RUFY3: variants seen among roughly 807,000 people sequenced by gnomAD.
The protein encoded by RUFY3 is protein RUFY3.
In RUFY3, 34 loss-of-function variants were observed where a neutral mutation model predicts 84.0. The observed-to-expected ratio is 0.40, with a 90% CI of 0.31 to 0.54. The LOEUF is 0.54. Among genes scored for constraint, RUFY3 ranks in the 20% least tolerant of loss-of-function variants. RUFY3 has a pLI of 0.39. For missense variants in RUFY3, 507 were observed against 736.8 expected, an observed-to-expected ratio of 0.69 and a Z score of 3.61; for synonymous variants, 242 against 252.9, an observed-to-expected ratio of 0.96 and a Z score of 0.41.
At chr4:70,746,666 A>G (rs1365099356) in intron 1 of RUFY3, among the ~76,000 whole-genome samples, 2 of 152,328 alleles carry the variant, frequency 1.3e-5, no homozygotes, top group East Asian at 3.9e-4. Flanking sequence ...AAGGAAAGTG[A>G]CACATACAGA....
chr4:70,705,363 C>G, intron 1 of RUFY3: 1 of 1,158,148 alleles, frequency 8.6e-7, no homozygotes, highest in Non-Finnish European at 1.1e-6. Context: ...GCCGGCCCGG[C>G]CCCCGCGGAG....
At chr4:70,727,067 G>A (rs1457149845) in intron 1 of RUFY3, among the ~76,000 whole-genome samples, 2 of 140,150 alleles carry the variant, frequency 1.4e-5, no homozygotes, top group East Asian at 4.1e-4. Context: ...TTTAACCGAA[G>A]CAATGTTGGA....
At chr4:70,744,614 T>C (rs1721876267) in intron 1 of RUFY3, among the ~76,000 whole-genome samples, 1 of 152,092 alleles carries the variant, frequency 6.6e-6, no homozygotes, top group Non-Finnish European at 1.5e-5. Context: ...GTTTTTGTTT[T>C]TTGTTTCAGT....
intron 1 of RUFY3, among the ~76,000 whole-genome samples, chr4:70,735,262 G>T (rs556559369): frequency 1.3e-5 from 2 of 152,238 alleles, no homozygotes; most frequent in South Asian, 4.1e-4. Context: ...ATATAATTGG[G>T]CATGTTTTTT....
chr4:70,727,942 G>A (rs940571039), intron 1 of RUFY3, among the ~76,000 whole-genome samples: 5 of 152,042 alleles, frequency 3.3e-5, no homozygotes, highest in East Asian at 3.9e-4. Flanking sequence ...TTTATAACAC[G>A]TTTACCCTTA....
intron 4 of RUFY3, among the ~76,000 whole-genome samples, chr4:70,765,043 C>A (rs993619814): frequency 6.6e-6 from 1 of 151,740 alleles, no homozygotes; most frequent in Non-Finnish European, 1.5e-5. Context: ...TAAAAATTAG[C>A]CGGGCGTGGC....
At chr4:70,780,381 C>T (rs1378301500) in intron 8 of RUFY3, among the ~76,000 whole-genome samples, 2 of 152,072 alleles carry the variant, frequency 1.3e-5, no homozygotes, top group African/African-American at 2.4e-5. Flanking sequence ...CTTTAACCTC[C>T]ACCTCCCGGT....
Position 70,768,674 on chromosome 4 carries a change from G to A in RUFY3, c.696+13G>A, listed in dbSNP as rs1286951875. 6 of 1,612,448 alleles carry A rather than the reference G, an allele frequency of 3.7e-6. No homozygotes were observed. Among genetic ancestry groups the A allele is most frequent in the Non-Finnish European group, 4.2e-6 (5 of 1,179,496 alleles). On this transcript the variant is annotated intron_variant, in intron 5 of 17. Coordinates refer to ENST00000381006, the MANE Select transcript of RUFY3 (RefSeq NM_001037442.4). ...CTTGGACTCTCAGGTATGGGAAAGAGACTCATTCCCATGGGTGTCACTCTG... is the reference window on the plus strand; with the variant it reads ...CTTGGACTCTCAGGTATGGGAAAGAAACTCATTCCCATGGGTGTCACTCTG...
In RUFY3 at chr4:70,794,855, C is replaced by T. The variant is rs1338139959; in HGVS notation, c.1518C>T (p.Ser506=). The change falls in exon 14 of 18, where the codon AGC becomes AGT. Residue 506 remains serine, a synonymous_variant. Transcript: ENST00000381006. ...AAAGAAGATTACAAAACGACAGGAG[C>T]ATCCCAGGAAGGGGTTCCCAGAAGT... ...EKERRLQNDR[S]IPGRGSQKSE... The T allele has an allele frequency of 1.9e-6, 3 of 1,612,848 alleles. No homozygotes were observed. Among genetic ancestry groups the T allele is most frequent in the Non-Finnish European group, 2.5e-6 (3 of 1,179,128 alleles).
At position 70,722,169 on chromosome 4, in the gene RUFY3, T is replaced by C. The variant is rs1433861157; in HGVS notation, c.-405T>C. On this transcript the variant is annotated 5_prime_UTR_variant, in exon 1 of 18. Coordinates refer to ENST00000381006, the MANE Select transcript of RUFY3 (RefSeq NM_001037442.4). ...TTTTTTTCTGCACAAAGGAGGAGGA[T>C]TTTTCACTTACTCATATCGAGGCCA... 2 of 1,230,838 alleles carry C rather than the reference T, an allele frequency of 1.6e-6. No individual in the cohort carries two copies. Among genetic ancestry groups the C allele is most frequent in the African/African-American group, 3.1e-5 (2 of 64,258 alleles). The allele number at this position is 1,230,838 out of a possible 1,614,324, so 76.2% of individuals were successfully genotyped here. A position where few individuals can be genotyped will look rare whatever the true frequency, so the allele number is the denominator to read the frequency against.
chr4:70,772,506 C>G (rs1376108279), intron 5 of RUFY3, among the ~76,000 whole-genome samples: 2 of 152,088 alleles, frequency 1.3e-5, no homozygotes, highest in Non-Finnish European at 2.9e-5. Context: ...AGAACAGGGC[C>G]TAGTACACAT....
chr4:70,774,644 A>AAAAT (rs1553916771), intron 6 of RUFY3, among the ~76,000 whole-genome samples: 38 of 56,632 alleles, frequency 6.7e-4, no homozygotes, highest in Non-Finnish European at 1.0e-3. Flanking sequence ...AAAAAAAAAA[A>AAAAT]ATATATATAT....
At chr4:70,757,173 A>T (rs925655905) in intron 1 of RUFY3, among the ~76,000 whole-genome samples, 24 of 152,076 alleles carry the variant, frequency 1.6e-4, no homozygotes, top group Non-Finnish European at 4.4e-5. Flanking sequence ...GGTACTCAGG[A>T]GGCTGAGATG....
chr4:70,715,161 G>A (rs1286498794), intron 1 of RUFY3, among the ~76,000 whole-genome samples: 1 of 152,148 alleles, frequency 6.6e-6, no homozygotes, highest in Non-Finnish European at 1.5e-5. Flanking sequence ...TGTGGTTCTG[G>A]GAAAGGAGGT....
chr4:70,729,677 A>C (rs1474540790), intron 1 of RUFY3, among the ~76,000 whole-genome samples: 2 of 152,228 alleles, frequency 1.3e-5, no homozygotes, highest in Admixed American at 1.3e-4. Context: ...GTAGTTATTC[A>C]TGAAGCAGTA....
At chr4:70,757,327 G>A (rs967589440) in intron 1 of RUFY3, among the ~76,000 whole-genome samples, 8 of 151,862 alleles carry the variant, frequency 5.3e-5, no homozygotes, top group African/African-American at 1.5e-4. Flanking sequence ...GTTCTGGGCC[G>A]GGCGCGGTGG....
chr4:70,750,047 C>T (rs565214683), intron 1 of RUFY3, among the ~76,000 whole-genome samples: 1 of 151,586 alleles, frequency 6.6e-6, no homozygotes, highest in African/African-American at 2.4e-5. Context: ...GTTGCCCAGG[C>T]CAGAGTACAG....
intron 10 of RUFY3, among the ~76,000 whole-genome samples, chr4:70,787,731 C>T (rs1051131471): frequency 6.6e-6 from 1 of 152,052 alleles, no homozygotes; most frequent in African/African-American, 2.4e-5. Flanking sequence ...GATTCGTTTT[C>T]TATAATGCTA....
chr4:70,757,337 G>T (rs538082540), intron 1 of RUFY3, among the ~76,000 whole-genome samples: 1 of 152,110 alleles, frequency 6.6e-6, no homozygotes, highest in South Asian at 2.1e-4. Flanking sequence ...GGGCGCGGTG[G>T]TTCATGCCTG....
Sources: allele counts gnomAD v4.1 joint callset (sites outside exome capture counted in the v4.1 genomes callset), GRCh38; gene constraint gnomAD v4.1.1; transcripts MANE v1.5; gene names NCBI Gene and HGNC (gene_info 2026-07-23, HGNC 2026-07-21).